LGSN: variants seen among roughly 807,000 people sequenced by gnomAD.
LGSN encodes the protein lengsin, lens protein with glutamine synthetase domain.
LGSN carries 21 observed loss-of-function variants against 19.5 expected under a neutral mutation model. That is an observed-to-expected ratio of 1.07 (90% confidence interval 0.76 to 1.55). The LOEUF is 1.55. LGSN is among the 40% of genes most tolerant of loss of function. The pLI is 0.00. For synonymous variants in LGSN, 257 were observed against 215.6 expected (o/e 1.19, Z -1.68); for missense variants, 673 against 608.5 (o/e 1.11, Z -1.12).
the LGSN span, among the ~76,000 whole-genome samples, chr6:63,542,914 A>G: frequency 2.6e-3 from 390 of 152,268 alleles, 2 homozygotes; most frequent in Non-Finnish European, 4.5e-3. Flanking sequence ...TCGTGTTCCT[A>G]ACCCTTGCAA....
chr6:63,415,924 A>C, the LGSN span, among the ~76,000 whole-genome samples: 1 of 152,184 alleles, frequency 6.6e-6, no homozygotes, highest in African/African-American at 2.4e-5. Flanking sequence ...AAATACATGG[A>C]GAATGCATGC....
chr6:63,379,201 C>G, the LGSN span, among the ~76,000 whole-genome samples: 2 of 151,510 alleles, frequency 1.3e-5, no homozygotes, highest in African/African-American at 4.9e-5. Flanking sequence ...TTTAAAGCTC[C>G]TAGTTATGGT....
At chr6:63,335,644 T>C in the LGSN span, among the ~76,000 whole-genome samples, 2 of 152,092 alleles carry the variant, frequency 1.3e-5, no homozygotes, top group Non-Finnish European at 2.9e-5. Context: ...AGAATGGCTA[T>C]TGTCAAAAAA....
chr6:63,421,528 G>A, the LGSN span, among the ~76,000 whole-genome samples: 1 of 152,088 alleles, frequency 6.6e-6, no homozygotes, highest in Admixed American at 6.6e-5. Flanking sequence ...AAGAAATCGA[G>A]GCCATCCTGA....
chr6:63,401,360 A>G, the LGSN span, among the ~76,000 whole-genome samples: 1 of 151,928 alleles, frequency 6.6e-6, no homozygotes, highest in Non-Finnish European at 1.5e-5. Context: ...TGAGCATGCC[A>G]CTGCACACCA....
At chr6:63,529,251 A>G in the LGSN span, among the ~76,000 whole-genome samples, 1 of 150,972 alleles carries the variant, frequency 6.6e-6, no homozygotes, top group African/African-American at 2.4e-5. Flanking sequence ...TATAATTTAG[A>G]CAGGTGTCTA....
the LGSN span, among the ~76,000 whole-genome samples, chr6:63,452,054 CTTT>C: frequency 3.8e-5 from 5 of 131,782 alleles, no homozygotes; most frequent in Non-Finnish European, 4.8e-5. Context: ...GTTTTCTTGT[CTTT>C]TTTTTTTTTT....
the LGSN span, among the ~76,000 whole-genome samples, chr6:63,432,113 GA>G: frequency 4.5e-5 from 4 of 88,006 alleles, no homozygotes; most frequent in Non-Finnish European, 2.3e-5. Flanking sequence ...AAGAAAGAAA[GA>G]AAGAAAGAAA....
chr6:63,310,288 A>G (rs1768571141), intron 1 of LGSN, among the ~76,000 whole-genome samples: 1 of 152,190 alleles, frequency 6.6e-6, no homozygotes, highest in Non-Finnish European at 1.5e-5. Flanking sequence ...TGGGGACAGA[A>G]GGGCTACAAA....
the LGSN span, among the ~76,000 whole-genome samples, chr6:63,509,418 T>C: frequency 6.6e-6 from 1 of 152,118 alleles, no homozygotes; most frequent in Non-Finnish European, 1.5e-5. Context: ...ATGTTCACAA[T>C]ACAAAATTCA....
At chr6:63,357,794 C>T in the LGSN span, among the ~76,000 whole-genome samples, 1 of 152,318 alleles carries the variant, frequency 6.6e-6, no homozygotes, top group African/African-American at 2.4e-5. Flanking sequence ...CCTGTTCACT[C>T]TGATGGTAGT....
the LGSN span, among the ~76,000 whole-genome samples, chr6:63,411,734 G>C: frequency 6.6e-6 from 1 of 152,166 alleles, no homozygotes; most frequent in African/African-American, 2.4e-5. Context: ...CAGCTACTCA[G>C]GATGTTGAAG....
At chr6:63,331,757 A>C in the LGSN span, among the ~76,000 whole-genome samples, 1 of 152,288 alleles carries the variant, frequency 6.6e-6, no homozygotes, top group Non-Finnish European at 1.5e-5. Context: ...GGACCGAGGA[A>C]GGTCAGATTT....
the LGSN span, among the ~76,000 whole-genome samples, chr6:63,382,006 C>T: frequency 6.6e-6 from 1 of 152,166 alleles, no homozygotes; most frequent in African/African-American, 2.4e-5. Context: ...AACCTACTAG[C>T]ACACAAATTA....
At chr6:63,427,597 C>T in the LGSN span, among the ~76,000 whole-genome samples, 1 of 152,150 alleles carries the variant, frequency 6.6e-6, no homozygotes, top group African/African-American at 2.4e-5. Context: ...AAATAGTTCA[C>T]AGTAGTTTGC....
chr6:63,540,454 C>T, the LGSN span, among the ~76,000 whole-genome samples: 1,878 of 152,070 alleles, frequency 0.012, 30 homozygotes, highest in African/African-American at 0.042. Flanking sequence ...AACCCCGTCT[C>T]TACTGAAAGT....
the LGSN span, among the ~76,000 whole-genome samples, chr6:63,333,064 C>CAGTA: frequency 6.6e-6 from 1 of 151,814 alleles, no homozygotes; most frequent in African/African-American, 2.4e-5. Flanking sequence ...AAAGAGTGAG[C>CAGTA]AGTAGCAAGA....
At chr6:63,399,228 G>T in the LGSN span, among the ~76,000 whole-genome samples, 1 of 152,034 alleles carries the variant, frequency 6.6e-6, no homozygotes, top group Admixed American at 6.5e-5. Flanking sequence ...TGCTATACAG[G>T]TTTGTAGCCT....
Position 63,317,771 on chromosome 6 carries a change from G to A in LGSN, c.30+2143C>T, listed in dbSNP as rs368640630. On this transcript the variant is annotated intron_variant, in intron 1 of 3. Coordinates refer to ENST00000370657, the MANE Select transcript of LGSN (RefSeq NM_016571.3). ...ATGCCCCCAACAGATACAGGCTGCA[G>A]AGCAGGATGAGTCTCTGACTTCACC... 2.6e-5 allele frequency among the ~76,000 whole-genome samples: 4 copies of A among 152,290 alleles called. No individual in the cohort carries two copies. In the East Asian group the frequency reaches 7.7e-4, roughly 29 times the overall value.
Sources: gnomAD v4.1 joint callset for allele counts (sites outside exome capture counted in the v4.1 genomes callset) on GRCh38, gnomAD v4.1.1 for gene constraint, MANE v1.5 for transcripts, NCBI Gene and HGNC (gene_info 2026-07-23, HGNC 2026-07-21) for gene names.